The following TRIM37 variants were observed in gnomAD, a reference collection of about 807,000 sequenced individuals.
The protein encoded by TRIM37 is tripartite motif containing 37, also known as E3 ubiquitin-protein ligase TRIM37.
TRIM37 carries 80 observed loss-of-function variants against 129.8 expected under a neutral mutation model. The observed-to-expected ratio is 0.62, with a 90% CI of 0.51 to 0.74. The LOEUF (loss-of-function observed/expected upper bound fraction) is 0.74. Among genes scored for constraint, TRIM37 ranks in the 30% least tolerant of loss-of-function variants. The pLI is 0.00. For synonymous variants in TRIM37, 389 were observed against 387.1 expected (o/e 1.00, Z -0.06); for missense variants, 1,054 against 1,176.5 (o/e 0.90, Z 1.52).
chr17:59,015,621 C>T lies in TRIM37; in HGVS notation c.2565G>A (p.Met855Ile). 1 of 1,613,984 alleles carries T rather than the reference C, an allele frequency of 6.2e-7. No individual in the cohort carries two copies. Among genetic ancestry groups the T allele is most frequent in the Non-Finnish European group, 8.5e-7 (1 of 1,180,002 alleles). The part of the protein sequence containing the change: ...GLPAVEKRRK[M>I]VTLGANAKGG... ...ACAACTTAATTTACCCCAAGGTGAC[C>T]ATTTTCCTCCTTTTCTCAACCGCAG... is the stretch of plus-strand genomic sequence containing the variant. Residue 855 changes from methionine (M) to isoleucine (I), a missense_variant, in exon 21 of 24, where the codon ATG (methionine) becomes ATA (isoleucine). Transcript: ENST00000262294.
chr17:59,045,031 GA>G (rs774094086), intron 16 of TRIM37, among the ~76,000 whole-genome samples: 108 of 143,812 alleles, frequency 7.5e-4, no homozygotes, highest in Middle Eastern at 7.4e-3. Flanking sequence ...ATTCTCTTAG[GA>G]AAAAAAAAAA....
chr17:59,087,223 G>A (rs1205150297), intron 4 of TRIM37, among the ~76,000 whole-genome samples: 1 of 152,020 alleles, frequency 6.6e-6, no homozygotes, highest in Admixed American at 6.6e-5. Context: ...AGCCCCCCAA[G>A]TAGCTGGGAT....
chr17:59,083,510 C>T (rs2043489507), intron 5 of TRIM37, among the ~76,000 whole-genome samples: 1 of 150,838 alleles, frequency 6.6e-6, no homozygotes, highest in African/African-American at 2.4e-5. Context: ...AGAAAGCTAA[C>T]TTCAATGCTT....
At chr17:59,061,626 T>C (rs539540906) in intron 11 of TRIM37, among the ~76,000 whole-genome samples, 23 of 152,126 alleles carry the variant, frequency 1.5e-4, no homozygotes, top group Non-Finnish European at 1.9e-4. Flanking sequence ...ATAAAGATAA[T>C]TACTCCCTCC....
At chr17:59,024,241 T>A (rs1025648015) in intron 19 of TRIM37, among the ~76,000 whole-genome samples, 2 of 134,596 alleles carry the variant, frequency 1.5e-5, no homozygotes, top group African/African-American at 6.0e-5. Flanking sequence ...AAAAAAAAAT[T>A]GCCACATTGG....
chr17:59,073,527 T>C (rs2042562261), intron 8 of TRIM37, among the ~76,000 whole-genome samples: 1 of 152,154 alleles, frequency 6.6e-6, no homozygotes, highest in Non-Finnish European at 1.5e-5. Context: ...CTCACTCAAG[T>C]GATCTGCCCA....
chr17:59,036,418 T>C (rs571708797), intron 17 of TRIM37, among the ~76,000 whole-genome samples: 43 of 151,492 alleles, frequency 2.8e-4, no homozygotes, highest in South Asian at 6.2e-4. Context: ...ATCCAGTGAG[T>C]AGGAAAAATC....
intron 19 of TRIM37, among the ~76,000 whole-genome samples, chr17:59,025,927 T>A (rs962961754): frequency 2.0e-5 from 3 of 152,210 alleles, no homozygotes; most frequent in Non-Finnish European, 1.5e-5. Flanking sequence ...ATTTCTTATG[T>A]TAATGGCCTA....
Position 59,017,332 on chromosome 17 carries a change from T to C in TRIM37, c.2350A>G (p.Ser784Gly). The change falls in exon 20 of 24, where the codon AGT becomes GGT. Residue 784 changes from serine to glycine, a missense_variant. This residue lies in a region of TRIM37 where 287 missense variants were observed against 274.3 expected (regional missense o/e 1.05). Transcript: ENST00000262294. ...LRRAVDPGENSRSKGDCQTLS... is the reference protein window; with the variant it reads ...LRRAVDPGENGRSKGDCQTLS... Reference sequence around the variant, plus strand: ...GTCTGACAGTCTCCCTTTGAACGACTATTTTCTCCAGGGTCCACTGCTCTT... The same window carrying C: ...GTCTGACAGTCTCCCTTTGAACGACCATTTTCTCCAGGGTCCACTGCTCTT... The C allele has an allele frequency of 6.2e-7, 1 of 1,614,190 alleles. No homozygotes were observed.
intron 24 of TRIM37, chr17:58,984,881 A>AGAT (rs2031652242): frequency 6.6e-6 from 1 of 152,588 alleles, no homozygotes; most frequent in African/African-American, 2.4e-5. Flanking sequence ...TTGATGAATT[A>AGAT]GATAATCCAG....
At chr17:59,033,453 G>A (rs2038106645) in intron 17 of TRIM37, among the ~76,000 whole-genome samples, 1 of 152,034 alleles carries the variant, frequency 6.6e-6, no homozygotes, top group African/African-American at 2.4e-5. Flanking sequence ...GTTGTGTTTT[G>A]AGACACAGTC....
intron 2 of TRIM37, among the ~76,000 whole-genome samples, chr17:59,096,559 A>AC (rs2044898010): frequency 1.4e-5 from 2 of 141,774 alleles, no homozygotes; most frequent in South Asian, 2.3e-4. Flanking sequence ...CAAAAAAAAA[A>AC]AAACAAAAAA....
chr17:58,983,181 C>T (rs1020985649), intron 24 of TRIM37: 10 of 401,132 alleles, frequency 2.5e-5, no homozygotes, highest in Non-Finnish European at 4.1e-5. Flanking sequence ...GACTACACAG[C>T]AGTGTTAACT....
intron 22 of TRIM37, among the ~76,000 whole-genome samples, chr17:59,003,289 G>A (rs1175174907): frequency 6.6e-6 from 1 of 152,152 alleles, no homozygotes; most frequent in East Asian, 1.9e-4. Flanking sequence ...GGGGAAAAAA[G>A]TCTTACCTCA....
chr17:59,071,070 T>G, intron 8 of TRIM37, 123 bp from the exon 9 acceptor site: 2 of 1,126,238 alleles, frequency 1.8e-6, no homozygotes, highest in Non-Finnish European at 2.5e-6. Context: ...TAACTCAAAG[T>G]GAGCTTGAGA....
At chr17:59,017,249 TA>T (rs1567984143) in intron 20 of TRIM37, 46 bp downstream of exon 20, 1 of 1,600,120 alleles carries the variant, frequency 6.2e-7, no homozygotes, top group Admixed American at 1.7e-5. Flanking sequence ...TTTCAGGTAA[TA>T]AATATTTACC....
In TRIM37 at chr17:59,057,000, A is replaced by AT; in HGVS notation, c.1073dup (p.Asn358LysfsTer9). ...AGTCAGATGCAAATTCTCGAATGAT[A>AT]TTTTTTGTAGGATCATTACAGGACT... On this transcript the variant is annotated frameshift_variant, in exon 13 of 24. Transcript: ENST00000262294. LOFTEE classifies it high-confidence loss of function. 1.2e-6 allele frequency: 2 copies of AT among 1,613,840 alleles called. No homozygotes were observed. Among genetic ancestry groups the AT allele is most frequent in the Non-Finnish European group, 8.5e-7 (1 of 1,179,902 alleles).
intron 21 of TRIM37, 62 bp downstream of exon 21, chr17:59,015,548 T>TAA: frequency 6.5e-7 from 1 of 1,543,572 alleles, no homozygotes; most frequent in Non-Finnish European, 9.0e-7. Context: ...GATGCATACT[T>TAA]AAAGTTCCAA....
chr17:59,057,218 T>A (rs925403048), intron 12 of TRIM37, among the ~76,000 whole-genome samples, 164 bp from the exon 13 acceptor site: 1 of 152,118 alleles, frequency 6.6e-6, no homozygotes, highest in Non-Finnish European at 1.5e-5. Context: ...TATTTTGGGG[T>A]TTTTTTATTT....
Sources: gnomAD v4.1 joint callset for allele counts (sites outside exome capture counted in the v4.1 genomes callset) on GRCh38, gnomAD v4.1.1 for gene constraint, gnomAD v4.1.1 regional missense constraint, MANE v1.5 for transcripts, NCBI Gene and HGNC (gene_info 2026-07-23, HGNC 2026-07-21) for gene names.